The following TRIP12 variants were observed in gnomAD, a reference collection of about 807,000 sequenced individuals.
TRIP12 encodes the protein E3 ubiquitin-protein ligase TRIP12.
In TRIP12, 25 loss-of-function variants were observed where a neutral mutation model predicts 244.2. That is an observed-to-expected ratio of 0.10 (90% CI 0.07 to 0.14). TRIP12 has a LOEUF of 0.14. Among genes scored for constraint, TRIP12 ranks in the 10% least tolerant of loss-of-function variants. The pLI is 1.00. For synonymous variants in TRIP12, 905 were observed against 873.1 expected, an observed-to-expected ratio of 1.04 and a Z score of -0.64; for missense variants, 1,677 against 2,486.4, an observed-to-expected ratio of 0.67 and a Z score of 6.92.
rs142882915 is a variant in TRIP12 at position 229,813,934 on chromosome 2, G to A, written c.1922C>T (p.Thr641Met). 1.0e-3 allele frequency: 1,627 copies of A among 1,598,736 alleles called. No individual in the cohort carries two copies. The highest frequency in any genetic ancestry group is 1.6e-3 in the Admixed American group (97 of 59,888). The stretch of plus-strand genomic sequence containing the variant: ...TGCCACAAAATGAAATTCATCTGGC[G>A]TGATACTCTGGCAGCAATTAGCTGC... ...AIAANCCQSI[T>M]PDEFHFVADS... The change falls in exon 13 of 42, where the codon ACG becomes ATG. Residue 641 changes from threonine to methionine, a missense_variant. Thr to Met is a moderately conservative substitution (Grantham distance 81, BLOSUM62 -1). Transcript: ENST00000675903.
chr2:229,896,569 G>A (rs565553144), intron 1 of TRIP12, among the ~76,000 whole-genome samples: 10 of 152,066 alleles, frequency 6.6e-5, no homozygotes, highest in East Asian at 1.9e-4. Context: ...CTGAGATGGC[G>A]CCACTGCACT....
intron 1 of TRIP12, among the ~76,000 whole-genome samples, chr2:229,899,434 C>T (rs1294081459): frequency 6.6e-6 from 1 of 152,164 alleles, no homozygotes; most frequent in Non-Finnish European, 1.5e-5. Context: ...CTACCCTGTG[C>T]TATCAGCTGT....
intron 2 of TRIP12, among the ~76,000 whole-genome samples, chr2:229,871,575 G>T (rs942846470): frequency 6.6e-6 from 1 of 152,064 alleles, no homozygotes; most frequent in Admixed American, 6.5e-5. Context: ...GCTTTCTGCC[G>T]TGATTTTAAG....
intron 33 of TRIP12, 68 bp downstream of exon 33, chr2:229,787,437 T>TA: frequency 6.6e-7 from 1 of 1,522,264 alleles, no homozygotes; most frequent in Non-Finnish European, 8.9e-7. Context: ...TTAGATATAC[T>TA]ACATTTCTAG....
At chr2:229,791,069 A>C in intron 30 of TRIP12, 55 bp downstream of exon 30, 1 of 1,598,354 alleles carries the variant, frequency 6.3e-7, no homozygotes, top group Non-Finnish European at 8.5e-7. Flanking sequence ...AAAATCATGA[A>C]AATGGGAAGA....
intron 1 of TRIP12, among the ~76,000 whole-genome samples, chr2:229,913,532 CAACT>C (rs1191221050): frequency 8.5e-5 from 13 of 152,256 alleles, no homozygotes; most frequent in Admixed American, 2.0e-4. Flanking sequence ...TTGGGGTAAC[CAACT>C]AACTAAAATA....
chr2:229,847,630 A>G (rs2057841487), intron 4 of TRIP12, among the ~76,000 whole-genome samples: 1 of 152,222 alleles, frequency 6.6e-6, no homozygotes. Context: ...CTGAAAGTAG[A>G]AAGCTGAGAT....
chr2:229,793,293 C>A, intron 26 of TRIP12, 148 bp from the exon 27 acceptor site: 2 of 762,934 alleles, frequency 2.6e-6, no homozygotes, highest in South Asian at 3.4e-5. Context: ...AATGGTAAAG[C>A]CAATAATTCA....
At chr2:229,873,848 G>A (rs1377015132) in intron 2 of TRIP12, among the ~76,000 whole-genome samples, 1 of 151,862 alleles carries the variant, frequency 6.6e-6, no homozygotes, top group Non-Finnish European at 1.5e-5. Context: ...TTTTGATGGG[G>A]GTGAGAAGTA....
At chr2:229,888,853 G>A (rs769372791) in intron 1 of TRIP12, among the ~76,000 whole-genome samples, 1 of 152,110 alleles carries the variant, frequency 6.6e-6, no homozygotes, top group Non-Finnish European at 1.5e-5. Flanking sequence ...AAATGGTGGG[G>A]AAGGAGAGGG....
In TRIP12 at chr2:229,836,942, A is replaced by C. The variant is rs1433639678; in HGVS notation, c.1176T>G (p.Ala392=). The C allele has an allele frequency of 6.3e-7, 1 of 1,595,400 alleles. No individual in the cohort carries two copies. The highest frequency in any genetic ancestry group is 8.5e-7 in the Non-Finnish European group (1 of 1,173,680). The change falls in exon 6 of 42, where the codon GCT becomes GCG. Residue 392 remains alanine, a synonymous_variant. Transcript: ENST00000675903. ...SGLGKRGAAE[A]RRQEKMADPE... ...GGTCTGCCATTTTCTCCTGTCGACG[A>C]GCTTCAGCTGCTCCTCTTTTGCCCA...
intron 34 of TRIP12, among the ~76,000 whole-genome samples, chr2:229,782,368 C>A (rs891375065): frequency 2.0e-5 from 3 of 152,084 alleles, no homozygotes; most frequent in African/African-American, 7.2e-5. Context: ...TTGCTCAGGC[C>A]CCATCTCCTA....
chr2:229,831,805 A>G (rs1208027609), intron 6 of TRIP12, among the ~76,000 whole-genome samples: 2 of 152,066 alleles, frequency 1.3e-5, no homozygotes, highest in Non-Finnish European at 2.9e-5. Flanking sequence ...CAGGAAGTAA[A>G]ACCATATTCC....
At chr2:229,822,709 G>A (rs1006461080) in intron 8 of TRIP12, among the ~76,000 whole-genome samples, 2 of 152,076 alleles carry the variant, frequency 1.3e-5, no homozygotes, top group Non-Finnish European at 2.9e-5. Flanking sequence ...AAAGAGGCAG[G>A]AATATGGGAC....
chr2:229,766,811 A>G lies in TRIP12; in HGVS notation c.*743T>C, dbSNP rs985667043. On this transcript the variant is annotated 3_prime_UTR_variant, in exon 42 of 42. Transcript: ENST00000675903. Reference sequence around the variant, plus strand: ...TGGAATTGCCATGTAAACAGTCCTTAGTGTGTCACCTGGGAAAAAGCCAGT... The same window carrying G: ...TGGAATTGCCATGTAAACAGTCCTTGGTGTGTCACCTGGGAAAAAGCCAGT... 4 of 152,208 alleles carry G rather than the reference A, an allele frequency of 2.6e-5. No individual in the cohort carries two copies. The highest frequency in any genetic ancestry group is 4.1e-4 in the South Asian group (2 of 4,836). The allele number at this position is 152,208 out of a possible 1,614,324, so 9.4% of individuals were successfully genotyped here. A position where few individuals can be genotyped will look rare whatever the true frequency, so the allele number is the denominator to read the frequency against.
chr2:229,868,669 G>A (rs973649972), intron 2 of TRIP12, among the ~76,000 whole-genome samples: 6 of 152,056 alleles, frequency 3.9e-5, no homozygotes, highest in African/African-American at 1.4e-4. Flanking sequence ...AAAAGAGACA[G>A]GAAAGAAATA....
At chr2:229,867,167 G>GTTT (rs1359589033) in intron 2 of TRIP12, among the ~76,000 whole-genome samples, 4 of 58,164 alleles carry the variant, frequency 6.9e-5, no homozygotes, top group Admixed American at 2.0e-4. Flanking sequence ...TTGTTTGTTT[G>GTTT]TTTGTTTTTT....
At position 229,767,522 on chromosome 2, in the gene TRIP12, G is replaced by GTT. The variant is rs1436229842; in HGVS notation, c.*31_*32insAA. ...GAAATCATGATTTGTTTCTTTTGCTGTAACAGGCAGACACTGCATTTCTTG... is the reference window on the plus strand; with the variant it reads ...GAAATCATGATTTGTTTCTTTTGCTGTTTAACAGGCAGACACTGCATTTCTTG... On this transcript the variant is annotated 3_prime_UTR_variant, in exon 42 of 42. Transcript: ENST00000675903. 5 of 1,555,328 alleles carry GTT rather than the reference G, an allele frequency of 3.2e-6. No homozygotes were observed. The highest frequency in any genetic ancestry group is 3.5e-6 in the Non-Finnish European group (4 of 1,150,638).
intron 2 of TRIP12, among the ~76,000 whole-genome samples, chr2:229,865,164 TAGC>T (rs1272517962): frequency 1.3e-5 from 2 of 151,466 alleles, no homozygotes; most frequent in South Asian, 2.1e-4. Flanking sequence ...ATACAAAAAT[TAGC>T]AGGGTGTAGT....
Sources: allele counts gnomAD v4.1 joint callset (sites outside exome capture counted in the v4.1 genomes callset), GRCh38; gene constraint gnomAD v4.1.1; transcripts MANE v1.5; gene names NCBI Gene and HGNC (gene_info 2026-07-23, HGNC 2026-07-21).